Variants in AGBL4 observed in about 807,000 individuals in gnomAD.
The protein encoded by AGBL4 is AGBL carboxypeptidase 4, also known as cytosolic carboxypeptidase 6.
A neutral mutation model predicts 66.4 loss-of-function variants in AGBL4; 58 were observed. That is an observed-to-expected ratio of 0.87 (90% CI 0.71 to 1.09). AGBL4 has a LOEUF of 1.09. Ranked by LOEUF, AGBL4 falls within the 50% of genes least tolerant of loss-of-function variation. The pLI is 0.00. For synonymous variants in AGBL4, 234 were observed against 222.9 expected (o/e 1.05, Z -0.44); for missense variants, 579 against 631.0 (o/e 0.92, Z 0.88).
chr1:49,978,124 A>G (rs971276578), intron 1 of AGBL4, among the ~76,000 whole-genome samples: 1 of 152,204 alleles, frequency 6.6e-6, no homozygotes, highest in Non-Finnish European at 1.5e-5. Flanking sequence ...TTTGATGGCC[A>G]CTACTTTTTG....
intron 5 of AGBL4, among the ~76,000 whole-genome samples, chr1:49,032,909 G>C (rs1664345871): frequency 6.6e-6 from 1 of 152,004 alleles, no homozygotes; most frequent in Non-Finnish European, 1.5e-5. Flanking sequence ...CTGAACTAGG[G>C]AACCCAGGAA....
chr1:49,841,735 G>A (rs930527591), intron 2 of AGBL4: 1 of 280,178 alleles, frequency 3.6e-6, no homozygotes, highest in Non-Finnish European at 6.9e-6. Flanking sequence ...GCTGTTAAAG[G>A]CATTCAGTTT....
At chr1:48,874,645 T>C (rs1055662318) in intron 5 of AGBL4, among the ~76,000 whole-genome samples, 1 of 152,154 alleles carries the variant, frequency 6.6e-6, no homozygotes, top group African/African-American at 2.4e-5. Flanking sequence ...CAAAAATACC[T>C]ATTATTTTCA....
chr1:49,530,246 C>G (rs1570958824), intron 3 of AGBL4, among the ~76,000 whole-genome samples: 1 of 37,106 alleles, frequency 2.7e-5, no homozygotes, highest in South Asian at 6.4e-4. Context: ...GCTATGTTTT[C>G]AAGTAGAATT....
chr1:49,884,432 G>A (rs926674377), intron 1 of AGBL4, among the ~76,000 whole-genome samples: 1 of 151,722 alleles, frequency 6.6e-6, no homozygotes. Context: ...AATGTATTTA[G>A]TGAAAAGAAT....
At chr1:49,023,938 C>CT (rs1663440394) in intron 5 of AGBL4, among the ~76,000 whole-genome samples, 2 of 152,128 alleles carry the variant, frequency 1.3e-5, no homozygotes, top group East Asian at 3.9e-4. Flanking sequence ...TCCTGAGAAA[C>CT]TAAGTTCAGT....
intron 4 of AGBL4, among the ~76,000 whole-genome samples, chr1:49,052,209 G>A (rs997522952): frequency 2.0e-5 from 3 of 152,136 alleles, no homozygotes; most frequent in South Asian, 4.2e-4. Context: ...CTTGTTTGGA[G>A]CTGAGGAATA....
intron 6 of AGBL4, among the ~76,000 whole-genome samples, chr1:48,803,155 T>A (rs1645847987): frequency 6.6e-6 from 1 of 152,208 alleles, no homozygotes; most frequent in Admixed American, 6.5e-5. Flanking sequence ...AGACATAGCA[T>A]CTCCTCTTGT....
At chr1:48,543,408 AT>A (rs1644107256) in intron 11 of AGBL4, among the ~76,000 whole-genome samples, 1 of 151,836 alleles carries the variant, frequency 6.6e-6, no homozygotes, top group African/African-American at 2.4e-5. Context: ...CCATCCATCC[AT>A]CCATCCATCC....
At chr1:48,562,208 C>T (rs1644407220) in intron 11 of AGBL4, among the ~76,000 whole-genome samples, 1 of 152,156 alleles carries the variant, frequency 6.6e-6, no homozygotes, top group Non-Finnish European at 1.5e-5. Flanking sequence ...CTTGGCTCTG[C>T]TGTTGATTAT....
At chr1:49,633,103 T>A (rs1198626061) in intron 3 of AGBL4, among the ~76,000 whole-genome samples, 1 of 150,794 alleles carries the variant, frequency 6.6e-6, no homozygotes, top group East Asian at 2.0e-4. Context: ...AAAATAAAAA[T>A]AAAAAAATAA....
intron 4 of AGBL4, among the ~76,000 whole-genome samples, chr1:49,094,059 A>G (rs968624186): frequency 2.6e-5 from 4 of 152,198 alleles, no homozygotes; most frequent in Non-Finnish European, 5.9e-5. Flanking sequence ...ATAGACAGAA[A>G]ACTAGAGCTC....
At chr1:49,400,175 A>G (rs998666220) in intron 3 of AGBL4, among the ~76,000 whole-genome samples, 1 of 152,172 alleles carries the variant, frequency 6.6e-6, no homozygotes, top group Non-Finnish European at 1.5e-5. Context: ...AACTTTGTCA[A>G]AAATGAATTA....
At chr1:48,970,758 G>A (rs1248286451) in intron 5 of AGBL4, among the ~76,000 whole-genome samples, 1 of 152,146 alleles carries the variant, frequency 6.6e-6, no homozygotes, top group Non-Finnish European at 1.5e-5. Flanking sequence ...CGACACATAT[G>A]TGGGGTAGTG....
chr1:49,463,251 C>G (rs927263656), intron 3 of AGBL4, among the ~76,000 whole-genome samples: 1 of 151,680 alleles, frequency 6.6e-6, no homozygotes, highest in African/African-American at 2.4e-5. Flanking sequence ...TAGCCCATGC[C>G]TGACACTCTG....
intron 3 of AGBL4, among the ~76,000 whole-genome samples, chr1:49,349,536 C>T (rs1258211320): frequency 6.6e-6 from 1 of 152,136 alleles, no homozygotes; most frequent in Non-Finnish European, 1.5e-5. Context: ...GCAGCTTCCT[C>T]CTTCCAAGAG....
chr1:49,144,778 TC>T (rs1362651135), intron 4 of AGBL4, among the ~76,000 whole-genome samples: 2 of 152,092 alleles, frequency 1.3e-5, no homozygotes, highest in Non-Finnish European at 2.9e-5. Flanking sequence ...CTGGAAGACT[TC>T]CCAGAGAGGA....
intron 4 of AGBL4, among the ~76,000 whole-genome samples, chr1:49,093,728 A>G (rs986904679): frequency 1.3e-5 from 2 of 152,194 alleles, no homozygotes; most frequent in Non-Finnish European, 2.9e-5. Flanking sequence ...TGGTTGTATA[A>G]TAACTAGAGA....
chr1:49,584,558 T>C (rs1644610689), intron 3 of AGBL4, among the ~76,000 whole-genome samples: 1 of 152,182 alleles, frequency 6.6e-6, no homozygotes, highest in Non-Finnish European at 1.5e-5. Context: ...TTTTAAGGAA[T>C]GACATGCTCA....
Sources: gnomAD v4.1 joint callset for allele counts (sites outside exome capture counted in the v4.1 genomes callset) on GRCh38, gnomAD v4.1.1 for gene constraint, MANE v1.5 for transcripts, NCBI Gene and HGNC (gene_info 2026-07-23, HGNC 2026-07-21) for gene names.